STAB2: variants seen among roughly 807,000 people sequenced by gnomAD.
The protein encoded by STAB2 is stabilin-2.
A neutral mutation model predicts 338.1 loss-of-function variants in STAB2; 288 were observed. The ratio of observed to expected loss-of-function variants is 0.85; its 90% CI spans 0.77 to 0.94. The LOEUF (loss-of-function observed/expected upper bound fraction) is 0.94, where lower values mean the gene tolerates loss of function less well. Among genes scored for constraint, STAB2 ranks in the 40% least tolerant of loss-of-function variants. The pLI is 0.00. For missense variants in STAB2, 3,141 were observed against 3,210.1 expected, an observed-to-expected ratio of 0.98 and a Z score of 0.52; for synonymous variants, 1,202 against 1,193.3, an observed-to-expected ratio of 1.01 and a Z score of -0.15.
At chr12:103,654,758 G>A in intron 13 of STAB2, 60 bp downstream of exon 13, 3 of 1,574,470 alleles carry the variant, frequency 1.9e-6, no homozygotes, top group South Asian at 1.2e-5. Flanking sequence ...TCCCTGGAGA[G>A]TCACATCCAG....
At chr12:103,619,671 A>G (rs1042292685) in intron 3 of STAB2, among the ~76,000 whole-genome samples, 2 of 152,238 alleles carry the variant, frequency 1.3e-5, no homozygotes, top group Non-Finnish European at 1.5e-5. Flanking sequence ...CTTCCGAATA[A>G]AATCTAAATT....
Position 103,688,175 on chromosome 12 carries a change from C to A in STAB2, c.3005C>A (p.Ser1002Ter). The stretch of plus-strand genomic sequence containing the variant: ...TTGCATGATATGAATAAGGAATTGT[C>A]ATTTCTCTCCGAAGCAGCTATATTT... ...LCYGNAAVEL[S>*]FLSEAAIFNR... The change falls in exon 28 of 69, where the codon TCA becomes TAA. Residue 1002 changes from serine (S) to a stop codon, truncating the protein, a stop_gained. Transcript: ENST00000388887. LOFTEE classifies it high-confidence loss of function. 7 of 1,613,758 alleles carry A rather than the reference C, an allele frequency of 4.3e-6. No homozygotes were observed. The highest frequency in any genetic ancestry group is 5.1e-6 in the Non-Finnish European group (6 of 1,179,696).
In STAB2 at chr12:103,739,415, G is replaced by A. The variant is rs748974203; in HGVS notation, c.5701G>A (p.Glu1901Lys). ...DTFTTFDASG[E>K]CGSCVNTPSC... ...TGTTTCTTTTCTTGCATACTAGGGG[G>A]AGTGTGGGAGCTGTGTCAATACTCC... The change falls in exon 54 of 69, where the codon GAG (glutamate) becomes AAG (lysine). Residue 1901 changes from glutamate to lysine, a missense_variant. By Grantham distance (56) the Glu-to-Lys change is moderately conservative. Coordinates refer to ENST00000388887, the MANE Select transcript of STAB2 (RefSeq NM_017564.10). 1 of 1,588,406 alleles carries A rather than the reference G, an allele frequency of 6.3e-7. No individual in the cohort carries two copies. Among genetic ancestry groups the A allele is most frequent in the African/African-American group, 1.4e-5 (1 of 73,742 alleles).
At chr12:103,620,898 A>G in intron 4 of STAB2, among the ~76,000 whole-genome samples, 1 of 152,114 alleles carries the variant, frequency 6.6e-6, no homozygotes, top group Non-Finnish European at 1.5e-5. Flanking sequence ...GGAGATCGAG[A>G]CCATCCTAGC....
chr12:103,745,838 T>C (rs1425462024), intron 57 of STAB2, among the ~76,000 whole-genome samples: 2 of 152,260 alleles, frequency 1.3e-5, no homozygotes, highest in Non-Finnish European at 2.9e-5. Flanking sequence ...AACAAGCAGC[T>C]GCCATTATCA....
rs777186766 is a variant in STAB2, at chr12:103,733,166, T to C, written c.5444T>C (p.Val1815Ala). The change falls in exon 51 of 69, where the codon GTG (valine) becomes GCG (alanine). Residue 1815 changes from valine to alanine, a missense_variant. Coordinates refer to ENST00000388887, the MANE Select transcript of STAB2 (RefSeq NM_017564.10). The stretch of plus-strand genomic sequence containing the variant: ...CTGAAGGAGTATTTGAAGTTTCATG[T>C]GATACGAGATGCCAAGGTATTTAGT... ...DKLKEYLKFH[V>A]IRDAKVLAVD... 6.2e-7 allele frequency: 1 copy of C among 1,614,094 alleles called. No individual in the cohort carries two copies. The highest frequency in any genetic ancestry group is 1.1e-5 in the South Asian group (1 of 91,074).
At chr12:103,668,136 T>C (rs1875340547) in intron 19 of STAB2, among the ~76,000 whole-genome samples, 1 of 152,202 alleles carries the variant, frequency 6.6e-6, no homozygotes, top group African/African-American at 2.4e-5. Flanking sequence ...AAACATGAGT[T>C]CTAGATAATT....
intron 28 of STAB2, among the ~76,000 whole-genome samples, chr12:103,689,388 CAGA>C (rs1190633267): frequency 6.6e-6 from 1 of 151,266 alleles, no homozygotes; most frequent in East Asian, 1.9e-4. Flanking sequence ...GAGGCAGAGA[CAGA>C]AGAATTGCTT....
intron 3 of STAB2, among the ~76,000 whole-genome samples, chr12:103,616,918 G>A (rs756935453): frequency 6.6e-6 from 1 of 152,140 alleles, no homozygotes; most frequent in Non-Finnish European, 1.5e-5. Flanking sequence ...TTTTCAGATT[G>A]GCTCCCAAGT....
intron 63 of STAB2, among the ~76,000 whole-genome samples, chr12:103,756,019 CTG>C (rs1884077135): frequency 6.6e-6 from 1 of 152,152 alleles, no homozygotes; most frequent in African/African-American, 2.4e-5. Context: ...GACCTGTGGT[CTG>C]TACATGGAAA....
chr12:103,688,451 A>G (rs1300425712), intron 28 of STAB2, among the ~76,000 whole-genome samples: 2 of 152,188 alleles, frequency 1.3e-5, no homozygotes, highest in Admixed American at 6.5e-5. Flanking sequence ...TGCTCTGAGC[A>G]TCAGTGTGTC....
rs532531692 is a variant in STAB2 at position 103,648,673 on chromosome 12, T to C, written c.1041-17T>C. The C allele has an allele frequency of 3.7e-6, 6 of 1,611,988 alleles. No homozygotes were observed. The East Asian group carries it at 1.1e-4, about 30-fold the overall frequency. ...TGGCTCTAAAACCCTGAGGATGTCT[T>C]TTCCCCCTCTCTGTAGATGCATTTG... On this transcript the variant is annotated splice_polypyrimidine_tract_variant and intron_variant, in intron 9 of 68. Transcript: ENST00000388887.
chr12:103,636,104 T>A (rs1288345095), intron 6 of STAB2, among the ~76,000 whole-genome samples: 1 of 152,110 alleles, frequency 6.6e-6, no homozygotes, highest in Non-Finnish European at 1.5e-5. Flanking sequence ...CGTGCAGGTT[T>A]GTTACATCTG....
rs10558320 is a variant in STAB2 at position 103,737,574 on chromosome 12, TTCTCTC to T, written c.5551-38_5551-33del. 7.0e-3 allele frequency: 7,066 copies of T among 1,005,528 alleles called. 1 individual carries two copies. Among genetic ancestry groups the T allele is most frequent in the Middle Eastern group, 0.015 (47 of 3,060 alleles). 62.3% of individuals were successfully genotyped at this position (1,005,528 alleles called of 1,614,324 possible). On this transcript the variant is annotated intron_variant, in intron 52 of 68. Coordinates refer to ENST00000388887, the MANE Select transcript of STAB2 (RefSeq NM_017564.10). ...GAGATGTGTGAAAGAGATTGACTGT[TTCTCTC>T]TCTCTCTCTCTCTCTCTCTCTTTCT...
At chr12:103,763,053 C>T (rs1884659673) in intron 67 of STAB2, among the ~76,000 whole-genome samples, 2 of 152,250 alleles carry the variant, frequency 1.3e-5, no homozygotes, top group South Asian at 4.1e-4. Context: ...TGCCTTCTGG[C>T]AGACAGCTTG....
In STAB2 at chr12:103,670,601, G is replaced by A; in HGVS notation, c.2260-95G>A. 3.2e-6 allele frequency: 3 copies of A among 949,006 alleles called. No individual in the cohort carries two copies. In the South Asian group the frequency reaches 4.2e-5, roughly 13 times the overall value. 58.8% of individuals were successfully genotyped at this position (949,006 alleles called of 1,614,324 possible). ...GAGTCCCAGAGGGTCATGTCAAGTG[G>A]GATTTAATCTGAATTCAAAGAAGTC... On this transcript the variant is annotated intron_variant, in intron 21 of 68. Transcript: ENST00000388887.
Position 103,761,250 on chromosome 12 carries a change from G to A in STAB2, c.7249-50G>A, listed in dbSNP as rs766123943. On this transcript the variant is annotated intron_variant, in intron 65 of 68. Transcript: ENST00000388887. ...ATTGAACAACTTCCCTCCATGGAGG[G>A]CTGCCCACTCGGAGAGTAAAAGCCA... The A allele has an allele frequency of 2.6e-6, 4 of 1,560,098 alleles. No individual in the cohort carries two copies. The Admixed American group carries it at 5.0e-5, about 20-fold the overall frequency.
chr12:103,640,217 G>A lies in STAB2; in HGVS notation c.1001G>A (p.Arg334Lys), dbSNP rs1170839266. ...TGTAAATCAGATAACCCGTGTCATA[G>A]GAATGCAAATTGCACCACCGTCGCA... ...DICKSDNPCHRNANCTTVAPG... is the reference protein window; with the variant it reads ...DICKSDNPCHKNANCTTVAPG... Residue 334 changes from arginine to lysine, a missense_variant, in exon 9 of 69, where the codon AGG becomes AAG. Arg to Lys is a conservative substitution (Grantham distance 26, BLOSUM62 2). Transcript: ENST00000388887. 6.2e-7 allele frequency: 1 copy of A among 1,613,714 alleles called. No individual in the cohort carries two copies. Among genetic ancestry groups the A allele is most frequent in the Non-Finnish European group, 8.5e-7 (1 of 1,179,766 alleles).
intron 21 of STAB2, among the ~76,000 whole-genome samples, chr12:103,670,243 C>T (rs971109548): frequency 3.9e-5 from 6 of 152,122 alleles, no homozygotes; most frequent in Non-Finnish European, 5.9e-5. Flanking sequence ...TTAGAAAGGG[C>T]CCACACCCAA....
Sources: gnomAD v4.1 joint callset for allele counts (sites outside exome capture counted in the v4.1 genomes callset) on GRCh38, gnomAD v4.1.1 for gene constraint, MANE v1.5 for transcripts, NCBI Gene and HGNC (gene_info 2026-07-23, HGNC 2026-07-21) for gene names.